Variants in TMTC2 observed in about 807,000 individuals in gnomAD.
TMTC2 encodes protein O-mannosyl-transferase TMTC2.
TMTC2 carries 43 observed loss-of-function variants against 82.4 expected under a neutral mutation model. The ratio of observed to expected loss-of-function variants is 0.52; its 90% confidence interval spans 0.41 to 0.67. The LOEUF (loss-of-function observed/expected upper bound fraction) is 0.67. TMTC2 is among the 30% of genes least tolerant of loss of function. The pLI, the probability that TMTC2 is intolerant of heterozygous loss-of-function variation, is 0.00. For missense variants in TMTC2, 919 were observed against 1,012.4 expected (o/e 0.91, Z 1.25); for synonymous variants, 408 against 381.9 (o/e 1.07, Z -0.80).
chr12:82,997,964 T>C (rs1403221002), intron 8 of TMTC2, among the ~76,000 whole-genome samples: 1 of 152,214 alleles, frequency 6.6e-6, no homozygotes, highest in African/African-American at 2.4e-5. Context: ...AAGATAACAG[T>C]ATTCTGCCAA....
At chr12:82,729,766 G>A (rs767762776) in intron 1 of TMTC2, among the ~76,000 whole-genome samples, 9 of 152,202 alleles carry the variant, frequency 5.9e-5, no homozygotes, top group South Asian at 2.1e-4. Flanking sequence ...GCCGTTTTCC[G>A]TGCTGTGGTA....
chr12:83,090,750 T>C (rs1883819821), intron 11 of TMTC2, among the ~76,000 whole-genome samples: 2 of 152,166 alleles, frequency 1.3e-5, no homozygotes, highest in South Asian at 4.1e-4. Flanking sequence ...TGCACAGTGA[T>C]ATTTCTAAAG....
At chr12:82,966,008 A>G (rs756197492) in intron 6 of TMTC2, 1 of 502,206 alleles carries the variant, frequency 2.0e-6, no homozygotes, top group Non-Finnish European at 3.6e-6. Context: ...GTATGTCAAT[A>G]TGTATTGTGA....
chr12:83,096,457 CAG>C (rs1248553815), intron 11 of TMTC2, among the ~76,000 whole-genome samples: 3 of 152,114 alleles, frequency 2.0e-5, no homozygotes, highest in Admixed American at 1.3e-4. Context: ...ATACCTGAGA[CAG>C]GGTAATTTAT....
intron 1 of TMTC2, among the ~76,000 whole-genome samples, chr12:82,730,028 C>T (rs1874696037): frequency 1.3e-5 from 2 of 152,014 alleles, no homozygotes; most frequent in Admixed American, 6.6e-5. Flanking sequence ...GAGGAAGCTC[C>T]GAACATATCT....
At chr12:82,908,055 T>TGA (rs1053561336) in intron 3 of TMTC2, among the ~76,000 whole-genome samples, 1 of 152,118 alleles carries the variant, frequency 6.6e-6, no homozygotes, top group Non-Finnish European at 1.5e-5. Context: ...GAGGTTGCAG[T>TGA]GAGCCGAGAC....
chr12:83,035,089 CTCTCT>C (rs1881606725), intron 9 of TMTC2, among the ~76,000 whole-genome samples: 1 of 152,172 alleles, frequency 6.6e-6, no homozygotes, highest in Non-Finnish European at 1.5e-5. Flanking sequence ...GGGAAATCCA[CTCTCT>C]TGTGTGATTT....
intron 11 of TMTC2, among the ~76,000 whole-genome samples, chr12:83,069,023 G>A (rs1311158868): frequency 2.0e-5 from 3 of 152,086 alleles, no homozygotes; most frequent in Non-Finnish European, 2.9e-5. Context: ...CCAAGTCACC[G>A]CAAATGCTGT....
At chr12:82,972,966 C>A (rs1878513075) in intron 7 of TMTC2, among the ~76,000 whole-genome samples, 1 of 152,134 alleles carries the variant, frequency 6.6e-6, no homozygotes. Flanking sequence ...AAATTTTTGA[C>A]ATGATGGTTT....
At chr12:82,843,627 G>C (rs935074133) in intron 1 of TMTC2, among the ~76,000 whole-genome samples, 8 of 152,254 alleles carry the variant, frequency 5.3e-5, no homozygotes, top group African/African-American at 1.9e-4. Context: ...TGGCTATTCT[G>C]TATGGCTGCA....
intron 3 of TMTC2, among the ~76,000 whole-genome samples, chr12:82,917,894 C>G (rs1407211886): frequency 4.7e-5 from 7 of 150,246 alleles, no homozygotes; most frequent in Non-Finnish European, 7.4e-5. Context: ...AGCCACTGCT[C>G]CCGGCCAGCT....
chr12:82,924,522 A>T (rs1316008490), intron 3 of TMTC2, among the ~76,000 whole-genome samples: 1 of 152,156 alleles, frequency 6.6e-6, no homozygotes, highest in East Asian at 1.9e-4. Flanking sequence ...GGAAAACAAG[A>T]TTTTTGCAGG....
At chr12:83,048,893 T>C (rs904499941) in intron 9 of TMTC2, among the ~76,000 whole-genome samples, 1 of 152,190 alleles carries the variant, frequency 6.6e-6, no homozygotes, top group Non-Finnish European at 1.5e-5. Context: ...GGTCTCGAAC[T>C]CCAGACCTCT....
At chr12:82,859,092 G>T (rs1390804031) in intron 2 of TMTC2, among the ~76,000 whole-genome samples, 1 of 146,742 alleles carries the variant, frequency 6.8e-6, no homozygotes, top group South Asian at 2.2e-4. Flanking sequence ...TTTTTGACGC[G>T]GAGTCTCACA....
intron 8 of TMTC2, among the ~76,000 whole-genome samples, chr12:82,989,920 T>G (rs1879331479): frequency 6.6e-6 from 1 of 152,130 alleles, no homozygotes; most frequent in Non-Finnish European, 1.5e-5. Context: ...TGGCTTAAAC[T>G]CACAGTGCCA....
chr12:82,910,177 G>A (rs930740071), intron 3 of TMTC2, among the ~76,000 whole-genome samples: 1 of 152,158 alleles, frequency 6.6e-6, no homozygotes, highest in Non-Finnish European at 1.5e-5. Context: ...GGAAAAAATT[G>A]AGATATTCAA....
intron 11 of TMTC2, among the ~76,000 whole-genome samples, chr12:83,110,919 C>T (rs541927621): frequency 6.6e-6 from 1 of 152,342 alleles, no homozygotes; most frequent in Non-Finnish European, 1.5e-5. Context: ...CTGCCCAATG[C>T]CTGCTTAGTG....
intron 6 of TMTC2, 94 bp from the exon 7 acceptor site, chr12:82,966,825 G>C (rs931631818): frequency 2.2e-6 from 2 of 897,164 alleles, no homozygotes; most frequent in Non-Finnish European, 3.4e-6. Context: ...GCAGTGGATG[G>C]TTTTAACTTT....
intron 3 of TMTC2, among the ~76,000 whole-genome samples, chr12:82,914,814 C>CTTTT (rs1218583585): frequency 7.1e-6 from 1 of 140,332 alleles, no homozygotes; most frequent in Middle Eastern, 3.3e-3. Flanking sequence ...TTACAACTCA[C>CTTTT]TTATTTTTTT....
Sources: allele counts gnomAD v4.1 joint callset (sites outside exome capture counted in the v4.1 genomes callset), GRCh38; gene constraint gnomAD v4.1.1; transcripts MANE v1.5; gene names NCBI Gene and HGNC (gene_info 2026-07-23, HGNC 2026-07-21).